Variants in CREBRF observed in about 807,000 individuals in gnomAD.
CREBRF encodes UPF0474 protein C5orf41.
In CREBRF, 5 loss-of-function variants were observed where a neutral mutation model predicts 66.1. That is an observed-to-expected ratio of 0.08 (90% CI 0.04 to 0.16). The LOEUF (loss-of-function observed/expected upper bound fraction) is 0.16, where lower values mean the gene tolerates loss of function less well. CREBRF is among the 10% of genes least tolerant of loss of function. The pLI is 1.00. For missense variants in CREBRF, 531 were observed against 744.9 expected, an observed-to-expected ratio of 0.71 and a Z score of 3.34; for synonymous variants, 229 against 264.4, an observed-to-expected ratio of 0.87 and a Z score of 1.30.
chr5:173,112,287 C>T lies in CREBRF; in HGVS notation c.1608-19C>T. 1 of 1,545,726 alleles carries T rather than the reference C, an allele frequency of 6.5e-7. No individual in the cohort carries two copies. Among genetic ancestry groups the T allele is most frequent in the Non-Finnish European group, 8.7e-7 (1 of 1,143,550 alleles). ...AATTAAGAAAAAGAAAGTGAACTAA[C>T]TGCTCCTTCCTTTCACAGAGCTTGT... is the stretch of plus-strand genomic sequence containing the variant. On this transcript the variant is annotated intron_variant, in intron 6 of 8. Transcript: ENST00000296953.
intron 7 of CREBRF, among the ~76,000 whole-genome samples, chr5:173,115,199 T>C (rs1181641696): frequency 6.6e-6 from 1 of 151,376 alleles, no homozygotes; most frequent in South Asian, 2.1e-4. Flanking sequence ...CTCTGCCTCC[T>C]GGGTTCAAGC....
At chr5:173,072,076 T>G (rs542064603) in intron 1 of CREBRF, among the ~76,000 whole-genome samples, 4 of 152,054 alleles carry the variant, frequency 2.6e-5, no homozygotes, top group African/African-American at 7.2e-5. Flanking sequence ...TTAATAATTT[T>G]CATTAATTTT....
At chr5:173,082,924 A>AC (rs1758004998) in intron 2 of CREBRF, among the ~76,000 whole-genome samples, 1 of 139,238 alleles carries the variant, frequency 7.2e-6, no homozygotes, top group South Asian at 2.3e-4. Context: ...AAAAAAAAAA[A>AC]AAAAAAAAAA....
chr5:173,118,601 C>G (rs1323828783), intron 7 of CREBRF, among the ~76,000 whole-genome samples: 2 of 152,100 alleles, frequency 1.3e-5, no homozygotes, highest in Non-Finnish European at 2.9e-5. Context: ...ATTGAAAAGA[C>G]TTTCCCTTCC....
chr5:173,129,849 CAG>C (rs1375377495), intron 8 of CREBRF, among the ~76,000 whole-genome samples: 2 of 151,596 alleles, frequency 1.3e-5, no homozygotes, highest in African/African-American at 2.4e-5. Flanking sequence ...GTTTTTGAGA[CAG>C]AGTCTCGCTC....
At chr5:173,115,855 C>T (rs1049915871) in intron 7 of CREBRF, among the ~76,000 whole-genome samples, 8 of 152,002 alleles carry the variant, frequency 5.3e-5, no homozygotes, top group Non-Finnish European at 1.0e-4. Flanking sequence ...CGTGATCCGC[C>T]CGCCTCGGCC....
At chr5:173,065,725 G>T (rs886552937) in intron 1 of CREBRF, among the ~76,000 whole-genome samples, 2 of 146,940 alleles carry the variant, frequency 1.4e-5, no homozygotes, top group Non-Finnish European at 3.0e-5. Context: ...GTTCACTGCA[G>T]CCTTGACCTG....
chr5:173,072,369 G>A (rs1050671189), intron 1 of CREBRF, among the ~76,000 whole-genome samples: 2 of 151,918 alleles, frequency 1.3e-5, no homozygotes, highest in Non-Finnish European at 2.9e-5. Context: ...TCTGCCTCCC[G>A]GGTTCATGCC....
intron 4 of CREBRF, among the ~76,000 whole-genome samples, chr5:173,104,224 C>CT (rs1264036865): frequency 6.6e-6 from 1 of 152,186 alleles, no homozygotes. Context: ...GATTTTAAAA[C>CT]TTACCTGACT....
intron 5 of CREBRF, chr5:173,109,988 A>G (rs1193298197): frequency 1.0e-5 from 2 of 190,868 alleles, no homozygotes; most frequent in Non-Finnish European, 2.2e-5. Context: ...TGAGTCTTCT[A>G]TAATGTTATT....
intron 2 of CREBRF, 112 bp from the exon 3 acceptor site, chr5:173,086,389 T>C: frequency 1.0e-6 from 1 of 957,354 alleles, no homozygotes. Context: ...AGTATAGAAA[T>C]GTTTTCTGAA....
intron 7 of CREBRF, among the ~76,000 whole-genome samples, chr5:173,112,911 C>T (rs780204069): frequency 1.3e-5 from 2 of 152,188 alleles, no homozygotes; most frequent in Admixed American, 6.5e-5. Context: ...ATACACATTT[C>T]TAGGCTTCTC....
At chr5:173,118,412 T>C (rs1418044092) in intron 7 of CREBRF, among the ~76,000 whole-genome samples, 2 of 152,242 alleles carry the variant, frequency 1.3e-5, no homozygotes, top group Non-Finnish European at 2.9e-5. Flanking sequence ...TAAGAAACCT[T>C]TGCCAACTCC....
chr5:173,129,866 G>C (rs978623787), intron 8 of CREBRF, among the ~76,000 whole-genome samples: 1 of 151,652 alleles, frequency 6.6e-6, no homozygotes, highest in Non-Finnish European at 1.5e-5. Flanking sequence ...TCGCTCTGTC[G>C]CCCAGACTGG....
chr5:173,073,809 T>C, intron 1 of CREBRF, among the ~76,000 whole-genome samples: 1 of 151,496 alleles, frequency 6.6e-6, no homozygotes, highest in East Asian at 2.0e-4. Context: ...CTACTAAAGA[T>C]ACAAAAAATT....
At chr5:173,118,416 C>T (rs1343239584) in intron 7 of CREBRF, among the ~76,000 whole-genome samples, 1 of 152,008 alleles carries the variant, frequency 6.6e-6, no homozygotes, top group African/African-American at 2.4e-5. Flanking sequence ...AAACCTTTGC[C>T]AACTCCAGCA....
At position 173,108,273 on chromosome 5, in the gene CREBRF, A is replaced by G. The variant is rs181622034; in HGVS notation, c.1223-351A>G. Among the ~76,000 whole-genome samples the G allele has an allele frequency of 2.0e-5, 3 of 152,336 alleles. No individual in the cohort carries two copies. The East Asian group carries it at 5.8e-4, about 29-fold the overall frequency. ...ATCATAGTTTATGTATCTAAGTACC[A>G]TTATCTGATGGTACTTTTGATATTC... On this transcript the variant is annotated intron_variant, in intron 4 of 8. Transcript: ENST00000296953.
At chr5:173,067,763 T>A (rs974744713) in intron 1 of CREBRF, among the ~76,000 whole-genome samples, 1 of 152,136 alleles carries the variant, frequency 6.6e-6, no homozygotes, top group African/African-American at 2.4e-5. Context: ...TTTGGGAGGC[T>A]GAGGCGGGTG....
chr5:173,084,263 A>G (rs570332916), intron 2 of CREBRF, among the ~76,000 whole-genome samples: 26 of 152,168 alleles, frequency 1.7e-4, no homozygotes, highest in Non-Finnish European at 1.0e-4. Flanking sequence ...TAATGAATTA[A>G]AAAAACAAGA....
Sources: allele counts gnomAD v4.1 joint callset (sites outside exome capture counted in the v4.1 genomes callset), GRCh38; gene constraint gnomAD v4.1.1; transcripts MANE v1.5; gene names NCBI Gene and HGNC (gene_info 2026-07-23, HGNC 2026-07-21).